Variants in SLC4A10 observed in about 807,000 individuals in gnomAD.
The protein encoded by SLC4A10 is sodium-driven chloride bicarbonate exchanger.
In SLC4A10, 42 loss-of-function variants were observed where a neutral mutation model predicts 137.7. That is an observed-to-expected ratio of 0.30 (90% CI 0.24 to 0.39). The LOEUF (loss-of-function observed/expected upper bound fraction) is 0.39, where lower values mean the gene tolerates loss of function less well. Ranked by LOEUF, SLC4A10 falls within the 10% of genes least tolerant of loss-of-function variation. SLC4A10 has a pLI of 1.00. For synonymous variants in SLC4A10, 474 were observed against 464.1 expected (o/e 1.02, Z -0.27); for missense variants, 925 against 1,355.0 (o/e 0.68, Z 4.98).
chr2:161,959,350 T>C (rs1300506859), intron 21 of SLC4A10, among the ~76,000 whole-genome samples: 3 of 152,218 alleles, frequency 2.0e-5, no homozygotes, highest in Admixed American at 1.3e-4. Context: ...TGGCAACAGA[T>C]CAGCCAGATG....
At chr2:161,770,904 A>C in intron 1 of SLC4A10, 69 bp from the exon 2 acceptor site, 1 of 1,058,588 alleles carries the variant, frequency 9.4e-7, no homozygotes, top group Non-Finnish European at 1.4e-6. Flanking sequence ...AAATTATATC[A>C]AGGTTTGTTT....
At chr2:161,969,719 G>T (rs1037765865) in intron 23 of SLC4A10, among the ~76,000 whole-genome samples, 1 of 152,146 alleles carries the variant, frequency 6.6e-6, no homozygotes, top group Non-Finnish European at 1.5e-5. Context: ...AAAACAAAAA[G>T]AGGGCAAATG....
chr2:161,761,482 G>A (rs2050247997), intron 1 of SLC4A10, among the ~76,000 whole-genome samples: 1 of 151,892 alleles, frequency 6.6e-6, no homozygotes, highest in Admixed American at 6.6e-5. Flanking sequence ...TTAATATCAG[G>A]TTCTGGGTAC....
At chr2:161,691,983 G>C (rs1413008817) in intron 1 of SLC4A10, among the ~76,000 whole-genome samples, 1 of 152,108 alleles carries the variant, frequency 6.6e-6, no homozygotes, top group African/African-American at 2.4e-5. Context: ...AAGTAGTGTA[G>C]GCTACATGTC....
At chr2:161,699,262 T>C (rs2042886159) in intron 1 of SLC4A10, among the ~76,000 whole-genome samples, 1 of 152,142 alleles carries the variant, frequency 6.6e-6, no homozygotes. Flanking sequence ...CCTCGTGATC[T>C]GTCGGCCTCG....
intron 1 of SLC4A10, among the ~76,000 whole-genome samples, chr2:161,733,355 G>A (rs1157662877): frequency 6.6e-6 from 1 of 152,190 alleles, no homozygotes; most frequent in Admixed American, 6.5e-5. Flanking sequence ...GGCCAACATA[G>A]CTCTCAGGCC....
chr2:161,640,657 C>CTTCCTTCTTTCT (rs1553470354), intron 1 of SLC4A10, among the ~76,000 whole-genome samples: 14 of 62,258 alleles, frequency 2.2e-4, no homozygotes, highest in African/African-American at 8.3e-4. Flanking sequence ...TCCTTCCTTC[C>CTTCCTTCTTTCT]TTCTTTCTTT....
At chr2:161,775,610 G>A (rs540330131) in intron 2 of SLC4A10, among the ~76,000 whole-genome samples, 2 of 151,972 alleles carry the variant, frequency 1.3e-5, no homozygotes, top group South Asian at 4.1e-4. Flanking sequence ...TCTATACTGA[G>A]CCTTAAACTC....
intron 6 of SLC4A10, among the ~76,000 whole-genome samples, chr2:161,864,157 G>A (rs1487986771): frequency 1.3e-5 from 2 of 152,002 alleles, no homozygotes; most frequent in South Asian, 2.1e-4. Flanking sequence ...AGCCGAGATC[G>A]CGCCACTGCA....
At chr2:161,875,430 T>C (rs1224363794) in intron 8 of SLC4A10, among the ~76,000 whole-genome samples, 1 of 152,242 alleles carries the variant, frequency 6.6e-6, no homozygotes, top group Non-Finnish European at 1.5e-5. Context: ...TCATCTTATA[T>C]GATTTGATCA....
At chr2:161,801,138 T>C (rs2055325252) in intron 2 of SLC4A10, among the ~76,000 whole-genome samples, 1 of 152,104 alleles carries the variant, frequency 6.6e-6, no homozygotes, top group Non-Finnish European at 1.5e-5. Context: ...CTAATGAAAC[T>C]TACTGTCTAT....
At chr2:161,922,669 T>C (rs546203393) in intron 15 of SLC4A10, among the ~76,000 whole-genome samples, 33 of 152,306 alleles carry the variant, frequency 2.2e-4, no homozygotes, top group African/African-American at 7.7e-4. Context: ...CAAAAATTTG[T>C]AGCAATTATG....
intron 5 of SLC4A10, among the ~76,000 whole-genome samples, chr2:161,860,143 AT>A (rs1250201588): frequency 1.3e-5 from 2 of 152,150 alleles, no homozygotes; most frequent in Non-Finnish European, 2.9e-5. Flanking sequence ...AAAATGAGTA[AT>A]TTTTTCCAGA....
At chr2:161,951,435 G>T (rs1694789377) in intron 19 of SLC4A10, among the ~76,000 whole-genome samples, 1 of 152,056 alleles carries the variant, frequency 6.6e-6, no homozygotes, top group Admixed American at 6.6e-5. Flanking sequence ...TTGCCATTTT[G>T]CAATTGTGAA....
At chr2:161,767,111 A>G (rs1471026341) in intron 1 of SLC4A10, among the ~76,000 whole-genome samples, 2 of 62,568 alleles carry the variant, frequency 3.2e-5, no homozygotes, top group African/African-American at 1.8e-4. Context: ...ATATATATAT[A>G]TATATATATA....
At chr2:161,957,287 C>T (rs1218503874) in intron 20 of SLC4A10, 47 bp downstream of exon 20, 2 of 1,559,802 alleles carry the variant, frequency 1.3e-6, no homozygotes, top group East Asian at 2.3e-5. Flanking sequence ...ATACATTTAT[C>T]ATCATTTAAA....
intron 15 of SLC4A10, among the ~76,000 whole-genome samples, chr2:161,925,928 A>C (rs1266366377): frequency 6.6e-6 from 1 of 151,890 alleles, no homozygotes; most frequent in East Asian, 1.9e-4. Context: ...AGTTTGTTAT[A>C]ATTTCTGATC....
intron 15 of SLC4A10, among the ~76,000 whole-genome samples, chr2:161,913,413 T>C (rs1686336861): frequency 6.6e-6 from 1 of 152,152 alleles, no homozygotes; most frequent in African/African-American, 2.4e-5. Context: ...AAAAATATAA[T>C]AAATAATAAA....
intron 3 of SLC4A10, among the ~76,000 whole-genome samples, chr2:161,834,903 A>T (rs2058667666): frequency 6.6e-6 from 1 of 152,222 alleles, no homozygotes; most frequent in Non-Finnish European, 1.5e-5. Context: ...AAGGCCAACT[A>T]GCTGGCCTGG....
Sources: allele counts gnomAD v4.1 joint callset (sites outside exome capture counted in the v4.1 genomes callset), GRCh38; gene constraint gnomAD v4.1.1; transcripts MANE v1.5; gene names NCBI Gene and HGNC (gene_info 2026-07-23, HGNC 2026-07-21).